DSCC1: variants seen among roughly 807,000 people sequenced by gnomAD.
The protein encoded by DSCC1 is DNA replication and sister chromatid cohesion 1.
DSCC1 carries 32 observed loss-of-function variants against 48.2 expected under a neutral mutation model. That is an observed-to-expected ratio of 0.66 (90% CI 0.50 to 0.89). The LOEUF (loss-of-function observed/expected upper bound fraction) is 0.89, where lower values mean the gene tolerates loss of function less well. Among genes scored for constraint, DSCC1 ranks in the 40% least tolerant of loss-of-function variants. DSCC1 has a pLI of 0.00. For missense variants in DSCC1, 421 were observed against 471.7 expected, an observed-to-expected ratio of 0.89 and a Z score of 1.00; for synonymous variants, 150 against 171.5, an observed-to-expected ratio of 0.87 and a Z score of 0.98.
intron 4 of DSCC1, among the ~76,000 whole-genome samples, chr8:119,843,948 T>C (rs1289319193): frequency 3.9e-5 from 6 of 152,086 alleles, no homozygotes; most frequent in Non-Finnish European, 8.8e-5. Context: ...GGCTAATTTT[T>C]GTATTTTTAG....
chr8:119,852,836 A>T (rs1384243548), intron 2 of DSCC1: 7 of 428,392 alleles, frequency 1.6e-5, no homozygotes, highest in Non-Finnish European at 2.8e-5. Flanking sequence ...GGACTTGAAA[A>T]TCAAAACAGG....
At chr8:119,854,697 G>A (rs1826990648) in intron 1 of DSCC1, among the ~76,000 whole-genome samples, 2 of 151,988 alleles carry the variant, frequency 1.3e-5, no homozygotes, top group Non-Finnish European at 2.9e-5. Flanking sequence ...GAACTGGACC[G>A]AGAGAAAGTC....
intron 8 of DSCC1, 104 bp from the exon 9 acceptor site, chr8:119,835,105 C>T (rs918402835): frequency 1.3e-6 from 1 of 771,250 alleles, no homozygotes; most frequent in East Asian, 2.9e-5. Flanking sequence ...TCTGTCTTCT[C>T]AACAAGCGTA....
chr8:119,835,059 A>G lies in DSCC1; in HGVS notation c.1074-58T>C, dbSNP rs1026266204. The G allele has an allele frequency of 2.7e-6, 3 of 1,124,008 alleles. No individual in the cohort carries two copies. The South Asian group carries it at 4.1e-5, about 16-fold the overall frequency. The allele number at this position is 1,124,008 out of a possible 1,614,324, so 69.6% of individuals were successfully genotyped here. Reference sequence around the variant, plus strand: ...TATTTTAGGGAACATATTATGATACAGTACTATGTACTTATTTTCTCTCTC... The same window carrying G: ...TATTTTAGGGAACATATTATGATACGGTACTATGTACTTATTTTCTCTCTC... On this transcript the variant is annotated intron_variant, in intron 8 of 8. Coordinates refer to ENST00000313655, the MANE Select transcript of DSCC1 (RefSeq NM_024094.3).
In DSCC1 at chr8:119,855,516, G is replaced by A; in HGVS notation, c.182+98C>T. On this transcript the variant is annotated intron_variant, in intron 1 of 8. Coordinates refer to ENST00000313655, the MANE Select transcript of DSCC1 (RefSeq NM_024094.3). ...TTGCTATGAGCCCCCGGCCAGGTCA[G>A]TGCATCTCTCTGGCCCTGTTTTCTT... is the stretch of plus-strand genomic sequence containing the variant. 4 of 1,439,852 alleles carry A rather than the reference G, an allele frequency of 2.8e-6. No homozygotes were observed. The South Asian group carries it at 5.6e-5, about 20-fold the overall frequency. The allele number at this position is 1,439,852 out of a possible 1,614,324, so 89.2% of individuals were successfully genotyped here. A position where few individuals can be genotyped will look rare whatever the true frequency, so the allele number is the denominator to read the frequency against.
intron 3 of DSCC1, among the ~76,000 whole-genome samples, chr8:119,849,163 C>CAAGAA (rs1826906855): frequency 2.5e-5 from 3 of 120,676 alleles, no homozygotes; most frequent in African/African-American, 3.2e-5. Context: ...CCAGCCTGGG[C>CAAGAA]GACAGAGCGA....
At chr8:119,853,328 G>A (rs1826969099) in intron 1 of DSCC1, 113 bp from the exon 2 acceptor site, 1 of 1,151,430 alleles carries the variant, frequency 8.7e-7, no homozygotes, top group African/African-American at 1.6e-5. Flanking sequence ...AAGTTTTGAT[G>A]CTGCCTCTGC....
chr8:119,851,842 C>T (rs767669182), intron 2 of DSCC1, among the ~76,000 whole-genome samples: 1 of 152,118 alleles, frequency 6.6e-6, no homozygotes, highest in Non-Finnish European at 1.5e-5. Flanking sequence ...TTTAGCCAAT[C>T]TCAGTACATA....
Position 119,855,770 on chromosome 8 carries a change from TC to T in DSCC1, c.25del (p.Asp9MetfsTer9). ...CAGCTTGGCGATCTGCAGCGTCGCA[TC>T]CACCTCGTCGCGGGTCCTCTTCATC... Reference protein sequence around the residue: MKRTRDEVDATLQIAKLNA... With the variant: MKRTRDEVXATLQIAKLNA... On this transcript the variant is annotated frameshift_variant, in exon 1 of 9. Transcript: ENST00000313655. LOFTEE classifies it high-confidence loss of function. 6.4e-7 allele frequency: 1 copy of T among 1,555,366 alleles called. No individual in the cohort carries two copies. The highest frequency in any genetic ancestry group is 8.7e-7 in the Non-Finnish European group (1 of 1,150,992).
intron 1 of DSCC1, 109 bp from the exon 2 acceptor site, chr8:119,853,324 T>C: frequency 8.3e-7 from 1 of 1,210,016 alleles, no homozygotes; most frequent in Non-Finnish European, 1.1e-6. Context: ...AATTAAGTTT[T>C]GATGCTGCCT....
At chr8:119,839,252 T>C (rs1443158399) in intron 7 of DSCC1, 1 of 152,256 alleles carries the variant, frequency 6.6e-6, no homozygotes, top group East Asian at 1.9e-4. Flanking sequence ...ATAATACTTA[T>C]ATCTTCAGCT....
At chr8:119,837,712 C>T (rs900267102) in intron 8 of DSCC1, among the ~76,000 whole-genome samples, 31 of 152,022 alleles carry the variant, frequency 2.0e-4, no homozygotes, top group Admixed American at 2.0e-3. Context: ...GGAGAGAGGG[C>T]CACAGGAGTA....
chr8:119,839,715 C>G (rs1826739277), intron 7 of DSCC1: 1 of 152,210 alleles, frequency 6.6e-6, no homozygotes, highest in Non-Finnish European at 1.5e-5. Context: ...TCCACAGTGT[C>G]CTTACCTCAC....
rs1439975765 is a variant in DSCC1 at position 119,841,925 on chromosome 8, C to T, written c.793G>A (p.Ala265Thr). The T allele has an allele frequency of 6.2e-7, 1 of 1,613,794 alleles. No homozygotes were observed. The highest frequency in any genetic ancestry group is 8.5e-7 in the Non-Finnish European group (1 of 1,179,896). ...DEGEVYFELD[A>T]DKICRAAARM... is the part of the protein sequence containing the mutation. ...GCTGCTGCTCTACATATTTTATCAGCATCCAACTCAAAATAAACTTCGCCT... is the reference window on the plus strand; with the variant it reads ...GCTGCTGCTCTACATATTTTATCAGTATCCAACTCAAAATAAACTTCGCCT... Residue 265 changes from alanine to threonine, a missense_variant, in exon 7 of 9, where the codon GCT (alanine) becomes ACT (threonine). Physicochemically the swap from Ala to Thr is moderately conservative, Grantham distance 58 (BLOSUM62 0). Coordinates refer to ENST00000313655, the MANE Select transcript of DSCC1 (RefSeq NM_024094.3).
intron 7 of DSCC1, among the ~76,000 whole-genome samples, chr8:119,841,014 CAG>C (rs1166310802): frequency 2.6e-5 from 4 of 151,592 alleles, no homozygotes; most frequent in African/African-American, 4.8e-5. Context: ...ATTTTTGAGA[CAG>C]AGTCTTGCTC....
intron 8 of DSCC1, among the ~76,000 whole-genome samples, chr8:119,837,492 A>T (rs754864190): frequency 2.6e-5 from 4 of 152,204 alleles, no homozygotes; most frequent in Admixed American, 6.5e-5. Flanking sequence ...AAGGAAAAGA[A>T]GATGTAGAAG....
At chr8:119,849,110 G>A (rs1324821098) in intron 3 of DSCC1, among the ~76,000 whole-genome samples, 3 of 145,256 alleles carry the variant, frequency 2.1e-5, no homozygotes, top group South Asian at 2.2e-4. Flanking sequence ...GCGTGAACCC[G>A]GGAGGCGGAG....
intron 3 of DSCC1, among the ~76,000 whole-genome samples, chr8:119,848,345 G>C (rs978561816): frequency 2.0e-5 from 3 of 152,164 alleles, no homozygotes; most frequent in East Asian, 1.9e-4. Context: ...CACAAAATGG[G>C]AGAAAATATT....
intron 3 of DSCC1, among the ~76,000 whole-genome samples, chr8:119,848,861 G>A (rs998288598): frequency 6.6e-6 from 1 of 151,876 alleles, no homozygotes; most frequent in Non-Finnish European, 1.5e-5. Flanking sequence ...AGGCTGAGGT[G>A]GGCAGATCAC....
Sources: gnomAD v4.1 joint callset for allele counts (sites outside exome capture counted in the v4.1 genomes callset) on GRCh38, gnomAD v4.1.1 for gene constraint, MANE v1.5 for transcripts, NCBI Gene and HGNC (gene_info 2026-07-23, HGNC 2026-07-21) for gene names.